PTPRN2: variants seen among roughly 807,000 people sequenced by gnomAD.
PTPRN2 encodes receptor-type tyrosine-protein phosphatase N2.
Under a neutral mutation model 118.8 loss-of-function variants are expected in PTPRN2, and 74 were observed. The ratio of observed to expected loss-of-function variants is 0.62; its 90% confidence interval spans 0.52 to 0.76. The LOEUF is 0.76. PTPRN2 is among the 30% of genes least tolerant of loss of function. The probability of loss-of-function intolerance (pLI) is 0.00; values close to 1 mark genes in which losing one functional copy is unlikely to be tolerated. For synonymous variants in PTPRN2, 641 were observed against 608.0 expected (o/e 1.05, Z -0.80); for missense variants, 1,481 against 1,394.4 (o/e 1.06, Z -0.99).
At chr7:157,557,839 A>G (rs915167074) in intron 21 of PTPRN2, among the ~76,000 whole-genome samples, 3 of 152,002 alleles carry the variant, frequency 2.0e-5, no homozygotes, top group Admixed American at 2.0e-4. Flanking sequence ...CTTTTGGAGA[A>G]ACTGAAATGC....
chr7:158,097,320 C>T (rs988717882), intron 10 of PTPRN2, among the ~76,000 whole-genome samples: 5 of 152,144 alleles, frequency 3.3e-5, no homozygotes, highest in African/African-American at 9.7e-5. Context: ...GCCCCGTGCA[C>T]AGAGAAGACC....
At chr7:157,998,410 C>G (rs1040830789) in intron 11 of PTPRN2, among the ~76,000 whole-genome samples, 1 of 152,194 alleles carries the variant, frequency 6.6e-6, no homozygotes, top group African/African-American at 2.4e-5. Context: ...GGACAGCAGA[C>G]CACCTGCGTG....
intron 2 of PTPRN2, among the ~76,000 whole-genome samples, chr7:158,397,025 A>C (rs566770082): frequency 1.3e-5 from 2 of 152,266 alleles, no homozygotes; most frequent in Non-Finnish European, 2.9e-5. Flanking sequence ...TCCTCTGTGG[A>C]GACCCAGGCC....
rs1429076965 is a variant in PTPRN2 at position 157,949,428 on chromosome 7, T to C, written c.1724-50691A>G. 4.6e-5 allele frequency among the ~76,000 whole-genome samples: 7 copies of C among 152,258 alleles called. No individual in the cohort carries two copies. In the East Asian group the frequency reaches 5.8e-4, roughly 13 times the overall value. Reference sequence around the variant, plus strand: ...CCTATTTATTTGCCTCTCTAGATTATAAAATTGTTGAGAACATGGACAGGA... The same window carrying C: ...CCTATTTATTTGCCTCTCTAGATTACAAAATTGTTGAGAACATGGACAGGA... On this transcript the variant is annotated intron_variant, in intron 11 of 22. Coordinates refer to ENST00000389418, the MANE Select transcript of PTPRN2 (RefSeq NM_002847.5).
chr7:158,164,284 T>C (rs1173019128), intron 6 of PTPRN2, among the ~76,000 whole-genome samples: 69 of 126,030 alleles, frequency 5.5e-4, no homozygotes, highest in Middle Eastern at 5.3e-3. Flanking sequence ...CAAGAGCGCG[T>C]GCGTAGGAAG....
Position 157,656,469 on chromosome 7 carries a change from G to T in PTPRN2, c.2084C>A (p.Ser695Tyr). 1 of 1,555,632 alleles carries T rather than the reference G, an allele frequency of 6.4e-7. No individual in the cohort carries two copies. ...GGGGATCGGCCCGTCGCTGAACTGGGATGAGACGCTGCTGATGCGTGACGT... is the reference window on the plus strand; with the variant it reads ...GGGGATCGGCCCGTCGCTGAACTGGTATGAGACGCTGCTGATGCGTGACGT... ...PHTSRISSVSSQFSDGPIPSP... is the reference protein window; with the variant it reads ...PHTSRISSVSYQFSDGPIPSP... The change falls in exon 14 of 23, where the codon TCC becomes TAC. Residue 695 changes from serine (S) to tyrosine (Y), a missense_variant. Ser to Tyr is a moderately radical substitution (Grantham distance 144). Coordinates refer to ENST00000389418, the MANE Select transcript of PTPRN2 (RefSeq NM_002847.5).
chr7:157,919,385 AG>A (rs1172142651), intron 11 of PTPRN2, among the ~76,000 whole-genome samples: 1 of 152,176 alleles, frequency 6.6e-6, no homozygotes, highest in African/African-American at 2.4e-5. Context: ...AGAATAATAA[AG>A]GCTGTGGGAG....
intron 13 of PTPRN2, among the ~76,000 whole-genome samples, chr7:157,675,630 G>A (rs530235352): frequency 5.3e-5 from 8 of 152,338 alleles, no homozygotes; most frequent in Admixed American, 3.9e-4. Context: ...GGAAGTGTGC[G>A]GAAACGGGTA....
intron 12 of PTPRN2, among the ~76,000 whole-genome samples, chr7:157,880,650 T>G (rs1175716889): frequency 6.6e-6 from 1 of 152,202 alleles, no homozygotes; most frequent in African/African-American, 2.4e-5. Context: ...ATTTGTACCA[T>G]GTGGTAATTT....
At chr7:157,718,424 T>C (rs1350686355) in intron 12 of PTPRN2, among the ~76,000 whole-genome samples, 1 of 152,212 alleles carries the variant, frequency 6.6e-6, no homozygotes, top group East Asian at 1.9e-4. Context: ...AGTCTGATTC[T>C]ACGGTGGCTT....
rs115240150 is a variant in PTPRN2 at position 158,437,520 on chromosome 7, C to T, written c.163+52215G>A. Among the ~76,000 whole-genome samples the T allele has an allele frequency of 3.5e-3, 531 of 152,322 alleles. 3 individuals carry two copies. The highest frequency in any genetic ancestry group is 0.012 in the African/African-American group (508 of 41,558). On this transcript the variant is annotated intron_variant, in intron 2 of 22. Coordinates refer to ENST00000389418, the MANE Select transcript of PTPRN2 (RefSeq NM_002847.5). ...GAGTCTATCTTCTTACCTTCCTCCT[C>T]ACTAGACAGCCAGATCGAGGGTAGA... is the stretch of plus-strand genomic sequence containing the variant.
At chr7:157,597,954 A>G (rs915297193) in intron 16 of PTPRN2, among the ~76,000 whole-genome samples, 2 of 152,260 alleles carry the variant, frequency 1.3e-5, no homozygotes, top group African/African-American at 4.8e-5. Context: ...TATTCTGGGC[A>G]GAAGGATTTT....
intron 3 of PTPRN2, among the ~76,000 whole-genome samples, chr7:158,278,101 C>T (rs1043709555): frequency 1.5e-4 from 23 of 152,300 alleles, no homozygotes; most frequent in African/African-American, 2.6e-4. Context: ...AGAAAACAGG[C>T]GTCTGCAGGA....
chr7:157,854,378 C>A (rs1287708288), intron 12 of PTPRN2, among the ~76,000 whole-genome samples: 1 of 152,258 alleles, frequency 6.6e-6, no homozygotes, highest in East Asian at 1.9e-4. Flanking sequence ...AATCGGCACA[C>A]CCACGTCCAC....
intron 2 of PTPRN2, among the ~76,000 whole-genome samples, chr7:158,317,327 C>T (rs1383216709): frequency 1.3e-5 from 2 of 152,342 alleles, no homozygotes; most frequent in East Asian, 1.9e-4. Flanking sequence ...AACAGAACAC[C>T]CAGGAAATAT....
At chr7:157,756,987 G>A (rs1801819659) in intron 12 of PTPRN2, among the ~76,000 whole-genome samples, 1 of 152,160 alleles carries the variant, frequency 6.6e-6, no homozygotes, top group African/African-American at 2.4e-5. Context: ...CGTGAGGGAC[G>A]GGCCGAAGTC....
At chr7:158,477,349 A>T (rs557100920) in intron 2 of PTPRN2, among the ~76,000 whole-genome samples, 1 of 152,358 alleles carries the variant, frequency 6.6e-6, no homozygotes, top group South Asian at 2.1e-4. Context: ...CGCACAGAAA[A>T]CAGGGCACAC....
intron 12 of PTPRN2, chr7:157,864,146 C>T (rs1810449959): frequency 6.6e-6 from 1 of 152,218 alleles, no homozygotes; most frequent in South Asian, 2.1e-4. Flanking sequence ...AAGCTGAGTC[C>T]CGGCATCGCT....
intron 12 of PTPRN2, among the ~76,000 whole-genome samples, chr7:157,712,193 C>A (rs188282800): frequency 1.3e-5 from 2 of 152,070 alleles, no homozygotes; most frequent in Non-Finnish European, 2.9e-5. Context: ...GCTGGGAATG[C>A]GGGTCTGGGG....
Sources: gnomAD v4.1 joint callset for allele counts (sites outside exome capture counted in the v4.1 genomes callset) on GRCh38, gnomAD v4.1.1 for gene constraint, MANE v1.5 for transcripts, NCBI Gene and HGNC (gene_info 2026-07-23, HGNC 2026-07-21) for gene names.